Variants in STXBP6 observed in about 807,000 individuals in gnomAD.
The protein encoded by STXBP6 is syntaxin-binding protein 6.
A neutral mutation model predicts 26.9 loss-of-function variants in STXBP6; 21 were observed. The observed-to-expected ratio is 0.78, with a 90% confidence interval of 0.55 to 1.12. STXBP6 has a LOEUF of 1.12. Among genes scored for constraint, STXBP6 ranks in the 50% most tolerant of loss-of-function variants. The pLI is 0.00. For synonymous variants in STXBP6, 97 were observed against 92.6 expected, an observed-to-expected ratio of 1.05 and a Z score of -0.27; for missense variants, 232 against 257.9, an observed-to-expected ratio of 0.90 and a Z score of 0.69.
chr14:24,829,884 G>A (rs749756036), intron 4 of STXBP6, among the ~76,000 whole-genome samples: 1 of 151,974 alleles, frequency 6.6e-6, no homozygotes, highest in South Asian at 2.1e-4. Flanking sequence ...TAAAAAATAC[G>A]TTATAATAAA....
At chr14:24,934,920 T>A (rs555216423) in intron 2 of STXBP6, among the ~76,000 whole-genome samples, 2 of 151,960 alleles carry the variant, frequency 1.3e-5, no homozygotes, top group Non-Finnish European at 2.9e-5. Flanking sequence ...ATACTCTTTT[T>A]AAAAAAAATC....
chr14:24,854,841 T>C (rs973880218), intron 4 of STXBP6, among the ~76,000 whole-genome samples: 3 of 152,102 alleles, frequency 2.0e-5, no homozygotes, highest in Non-Finnish European at 4.4e-5. Flanking sequence ...TTCACTTTTG[T>C]ACCATAGGAT....
At chr14:24,818,473 T>C (rs1413609269) in intron 5 of STXBP6, among the ~76,000 whole-genome samples, 1 of 152,034 alleles carries the variant, frequency 6.6e-6, no homozygotes, top group Non-Finnish European at 1.5e-5. Flanking sequence ...GCTGGTCCGG[T>C]CAAGCTCAGA....
At chr14:24,969,509 T>G (rs570024049) in intron 2 of STXBP6, among the ~76,000 whole-genome samples, 3 of 152,214 alleles carry the variant, frequency 2.0e-5, no homozygotes, top group Admixed American at 6.5e-5. Flanking sequence ...CTATAGACAT[T>G]GTTGTGGGTA....
At chr14:24,948,979 A>G (rs2073079891) in intron 2 of STXBP6, among the ~76,000 whole-genome samples, 1 of 152,148 alleles carries the variant, frequency 6.6e-6, no homozygotes, top group Non-Finnish European at 1.5e-5. Context: ...ACGTTGGTGC[A>G]CATCTTGATA....
intron 2 of STXBP6, among the ~76,000 whole-genome samples, chr14:24,950,573 A>G (rs901602815): frequency 6.6e-6 from 1 of 152,168 alleles, no homozygotes; most frequent in Non-Finnish European, 1.5e-5. Flanking sequence ...GAAAAAAATC[A>G]AGCACTAATA....
In STXBP6 at chr14:25,027,449, G is replaced by A. The variant is rs74037465; in HGVS notation, c.-33+22429C>T. On this transcript the variant is annotated intron_variant, in intron 1 of 5. Transcript: ENST00000323944. ...CAGTGAACTTAATCAATAAATGCAC[G>A]TATTCTGGCTGCTCCACCCACCAGC... Among the ~76,000 whole-genome samples, 1,226 of 152,238 alleles carry A rather than the reference G, an allele frequency of 8.1e-3. 14 individuals carry two copies. The highest frequency in any genetic ancestry group is 0.028 in the African/African-American group (1,151 of 41,524).
intron 2 of STXBP6, among the ~76,000 whole-genome samples, chr14:24,920,694 G>GC (rs1031667454): frequency 3.9e-5 from 6 of 151,932 alleles, no homozygotes; most frequent in Non-Finnish European, 7.4e-5. Flanking sequence ...TCCCTCAGCT[G>GC]CCCCCATTTC....
At chr14:25,030,447 G>A (rs566831855) in intron 1 of STXBP6, among the ~76,000 whole-genome samples, 5 of 152,204 alleles carry the variant, frequency 3.3e-5, no homozygotes, top group African/African-American at 9.6e-5. Context: ...GCCCTTTTTT[G>A]AGGCCAATAT....
chr14:24,855,906 A>G (rs2069312466), intron 4 of STXBP6, 30 bp downstream of exon 4: 1 of 1,567,136 alleles, frequency 6.4e-7, no homozygotes, highest in Non-Finnish European at 8.6e-7. Flanking sequence ...AAGAAACAGG[A>G]TGACTAAAGT....
chr14:24,910,822 CA>C (rs2071544531), intron 2 of STXBP6, among the ~76,000 whole-genome samples: 1 of 152,048 alleles, frequency 6.6e-6, no homozygotes, highest in African/African-American at 2.4e-5. Flanking sequence ...AGAGTAAAAA[CA>C]AAACACCTCA....
At chr14:24,993,706 G>A in intron 1 of STXBP6, among the ~76,000 whole-genome samples, 1 of 152,212 alleles carries the variant, frequency 6.6e-6, no homozygotes, top group South Asian at 2.1e-4. Context: ...CTGGAAGGCA[G>A]AGGTGGAGAG....
At chr14:25,002,358 A>ATTTTTTTTTTTTTTTTTTTTT (rs1566552415) in intron 1 of STXBP6, among the ~76,000 whole-genome samples, 7 of 110,210 alleles carry the variant, frequency 6.4e-5, no homozygotes, top group Non-Finnish European at 1.1e-4. Context: ...AATTCTTATG[A>ATTTTTTTTTTTTTTTTTTTTT]CTTTTTTTTT....
intron 2 of STXBP6, among the ~76,000 whole-genome samples, chr14:24,883,762 C>A (rs1180726655): frequency 6.6e-6 from 1 of 152,148 alleles, no homozygotes; most frequent in Non-Finnish European, 1.5e-5. Context: ...CTGGCTTACT[C>A]ACCAGTTTTT....
rs145621928 is a variant in STXBP6, at chr14:25,027,212, T to C, written c.-33+22666A>G. ...TCACAGATATTTTATATTTTACAAATTGAAGGTTTGTGGCAGCCCAGTGTG... is the reference window on the plus strand; with the variant it reads ...TCACAGATATTTTATATTTTACAAACTGAAGGTTTGTGGCAGCCCAGTGTG... On this transcript the variant is annotated intron_variant, in intron 1 of 5. Transcript: ENST00000323944. Among the ~76,000 whole-genome samples the C allele has an allele frequency of 3.7e-4, 56 of 152,352 alleles. No individual in the cohort carries two copies. In the East Asian group the frequency reaches 0.011, roughly 29 times the overall value.
intron 1 of STXBP6, among the ~76,000 whole-genome samples, chr14:25,031,510 T>C (rs1408324603): frequency 1.3e-5 from 2 of 152,192 alleles, no homozygotes; most frequent in Non-Finnish European, 2.9e-5. Context: ...GAATAGATTC[T>C]TTCTAGAGAC....
intron 1 of STXBP6, among the ~76,000 whole-genome samples, chr14:25,036,738 C>G (rs955152704): frequency 1.4e-4 from 22 of 151,814 alleles, no homozygotes; most frequent in Admixed American, 1.4e-3. Context: ...CGCCTGTAGT[C>G]CCAGCTACTC....
chr14:24,985,652 G>A (rs999131252), intron 1 of STXBP6, among the ~76,000 whole-genome samples: 1 of 152,144 alleles, frequency 6.6e-6, no homozygotes, highest in African/African-American at 2.4e-5. Flanking sequence ...AATTTCAAAG[G>A]CTCTGCAAGA....
chr14:24,814,138 C>T (rs961938699), intron 5 of STXBP6, among the ~76,000 whole-genome samples: 5 of 152,190 alleles, frequency 3.3e-5, no homozygotes, highest in African/African-American at 9.6e-5. Context: ...CCCAGGCTGT[C>T]CTGCTGAGTG....
Sources: allele counts gnomAD v4.1 joint callset (sites outside exome capture counted in the v4.1 genomes callset), GRCh38; gene constraint gnomAD v4.1.1; transcripts MANE v1.5; gene names NCBI Gene and HGNC (gene_info 2026-07-23, HGNC 2026-07-21).